The following PDCD2L variants were observed in gnomAD, a reference collection of about 807,000 sequenced individuals.
PDCD2L encodes the protein programmed cell death 2 like.
A neutral mutation model predicts 40.4 loss-of-function variants in PDCD2L; 44 were observed. The observed-to-expected ratio is 1.09, with a 90% CI of 0.86 to 1.40. PDCD2L has a LOEUF of 1.40. Among genes scored for constraint, PDCD2L ranks in the 40% most tolerant of loss-of-function variants. The pLI is 0.00. For synonymous variants in PDCD2L, 194 were observed against 174.6 expected (o/e 1.11, Z -0.88); for missense variants, 470 against 453.7 (o/e 1.04, Z -0.33).
At position 34,426,064 on chromosome 19, in the gene PDCD2L, C is replaced by T. The variant is rs1487212891; in HGVS notation, c.1021C>T (p.Pro341Ser). The stretch of plus-strand genomic sequence containing the variant: ...TTGCTGGCCCCCAAATCATCAGACT[C>T]CCATGGAAGAATTTTGTATTATACA... ...KSCWPPNHQT[P>S]MEEFCIIQED... is the part of the protein sequence containing the mutation. The change falls in exon 7 of 7, where the codon CCC (proline) becomes TCC (serine). Residue 341 changes from proline (P) to serine (S), a missense_variant. By Grantham distance (74) the Pro-to-Ser change is moderately conservative. Coordinates refer to ENST00000246535, the MANE Select transcript of PDCD2L (RefSeq NM_032346.2). 1.2e-6 allele frequency: 2 copies of T among 1,606,638 alleles called. No homozygotes were observed. The highest frequency in any genetic ancestry group is 1.6e-4 in the Middle Eastern group (1 of 6,062).
chr19:34,409,963 A>G (rs988687239), intron 4 of PDCD2L, among the ~76,000 whole-genome samples: 14 of 147,748 alleles, frequency 9.5e-5, no homozygotes, highest in East Asian at 7.7e-4. Flanking sequence ...CAGATCCTCA[A>G]TTCTGTAAAA....
At chr19:34,414,456 G>A (rs2075118120) in intron 5 of PDCD2L, among the ~76,000 whole-genome samples, 1 of 133,752 alleles carries the variant, frequency 7.5e-6, no homozygotes, top group Non-Finnish European at 1.6e-5. Flanking sequence ...AGATACAAGT[G>A]TGAGCCACCA....
At chr19:34,421,829 C>G (rs1011769322) in intron 6 of PDCD2L, among the ~76,000 whole-genome samples, 162 bp downstream of exon 6, 10 of 151,782 alleles carry the variant, frequency 6.6e-5, no homozygotes, top group African/African-American at 2.4e-4. Flanking sequence ...GTGGCTCATG[C>G]CTGTAATCCC....
In PDCD2L at chr19:34,404,473, G is replaced by A. The variant is rs1366094170; in HGVS notation, c.43G>A (p.Ala15Thr). 6.5e-7 allele frequency: 1 copy of A among 1,544,488 alleles called. No homozygotes were observed. Among genetic ancestry groups the A allele is most frequent in the Admixed American group, 2.0e-5 (1 of 50,976 alleles). The change falls in exon 1 of 7, where the codon GCG becomes ACG. Residue 15 changes from alanine (A) to threonine (T), a missense_variant. Physicochemically the swap from Ala to Thr is moderately conservative, Grantham distance 58 (BLOSUM62 0). Transcript: ENST00000246535. The stretch of plus-strand genomic sequence containing the variant: ...GCCGGTGCTGCTGGGCCTTCGAGAT[G>A]CGCCGGTGCACGGCAGCCCCACAGG... ...LKPVLLGLRDAPVHGSPTGPG... is the reference protein window; with the variant it reads ...LKPVLLGLRDTPVHGSPTGPG...
chr19:34,406,057 G>A (rs1426939301), intron 3 of PDCD2L, among the ~76,000 whole-genome samples: 3 of 152,218 alleles, frequency 2.0e-5, no homozygotes, highest in African/African-American at 7.2e-5. Flanking sequence ...TAGGAGGATT[G>A]CTTGAGTCTA....
intron 6 of PDCD2L, among the ~76,000 whole-genome samples, chr19:34,423,491 C>CTTTT (rs547306985): frequency 2.7e-5 from 3 of 113,084 alleles, no homozygotes; most frequent in Non-Finnish European, 3.7e-5. Flanking sequence ...GACCCAGTAT[C>CTTTT]TTTTTTTTTT....
intron 3 of PDCD2L, 68 bp from the exon 4 acceptor site, chr19:34,409,093 C>A: frequency 6.9e-7 from 1 of 1,454,882 alleles, no homozygotes; most frequent in Non-Finnish European, 9.5e-7. Flanking sequence ...CGGTGGGTGG[C>A]TGGAGCCGAA....
intron 5 of PDCD2L, among the ~76,000 whole-genome samples, chr19:34,418,661 A>G (rs2075136144): frequency 6.6e-6 from 1 of 152,236 alleles, no homozygotes; most frequent in Non-Finnish European, 1.5e-5. Flanking sequence ...GTTGTATTAT[A>G]TGGGATATGC....
At position 34,407,602 on chromosome 19, in the gene PDCD2L, CTTT is replaced by C. The variant is rs371237726; in HGVS notation, c.337-1550_337-1548del. Among the ~76,000 whole-genome samples, 3 of 145,132 alleles carry C rather than the reference CTTT, an allele frequency of 2.1e-5. No individual in the cohort carries two copies. The South Asian group carries it at 6.5e-4, about 32-fold the overall frequency. ...ATGTTGTCACAAATGACAGAATTTC[CTTT>C]TTTTTTTTAAGGGTGAAAAATATTC... On this transcript the variant is annotated intron_variant, in intron 3 of 6. Transcript: ENST00000246535.
intron 3 of PDCD2L, among the ~76,000 whole-genome samples, chr19:34,405,738 TAAAAAC>T (rs2075071822): frequency 6.6e-6 from 1 of 151,694 alleles, no homozygotes; most frequent in East Asian, 2.0e-4. Context: ...CCGTCTCTAT[TAAAAAC>T]AAAAACAAAA....
chr19:34,425,056 A>C (rs1317955527), intron 6 of PDCD2L, among the ~76,000 whole-genome samples: 1 of 152,126 alleles, frequency 6.6e-6, no homozygotes, highest in Non-Finnish European at 1.5e-5. Context: ...CAGCCAATGC[A>C]TACATTTTTA....
In PDCD2L at chr19:34,404,415, T is replaced by C. The variant is rs1286443781; in HGVS notation, c.-16T>C. 1 of 1,539,138 alleles carries C rather than the reference T, an allele frequency of 6.5e-7. No individual in the cohort carries two copies. The highest frequency in any genetic ancestry group is 8.7e-7 in the Non-Finnish European group (1 of 1,143,312). On this transcript the variant is annotated 5_prime_UTR_variant, in exon 1 of 7. Coordinates refer to ENST00000246535, the MANE Select transcript of PDCD2L (RefSeq NM_032346.2). ...GGCCGCCGTAGTTTGCGTTTTCACC[T>C]GGTCGCCCGGCGGCCATGGCGGCCG...
intron 5 of PDCD2L, among the ~76,000 whole-genome samples, chr19:34,416,476 C>T (rs554270976): frequency 6.6e-6 from 1 of 152,286 alleles, no homozygotes; most frequent in Admixed American, 6.5e-5. Context: ...CAGCATTTTA[C>T]ACTGTCTCAG....
intron 5 of PDCD2L, among the ~76,000 whole-genome samples, chr19:34,417,639 A>G (rs2075132019): frequency 6.6e-6 from 1 of 152,134 alleles, no homozygotes; most frequent in East Asian, 1.9e-4. Flanking sequence ...GTTAAGGAAC[A>G]TAATAGACTT....
intron 4 of PDCD2L, among the ~76,000 whole-genome samples, chr19:34,411,759 A>G (rs991845234): frequency 1.3e-5 from 2 of 151,160 alleles, no homozygotes; most frequent in Non-Finnish European, 3.0e-5. Context: ...GTTTCAAATG[A>G]TCCTCCTGCC....
At chr19:34,414,702 C>T (rs572582622) in intron 5 of PDCD2L, among the ~76,000 whole-genome samples, 1 of 151,848 alleles carries the variant, frequency 6.6e-6, no homozygotes, top group African/African-American at 2.4e-5. Flanking sequence ...GTTGGCCAGG[C>T]TGGTTCCAAA....
intron 2 of PDCD2L, 23 bp from the exon 3 acceptor site, chr19:34,404,907 G>A (rs1371957835): frequency 4.3e-6 from 7 of 1,613,426 alleles, no homozygotes; most frequent in African/African-American, 1.3e-5. Flanking sequence ...CAGCCCTCAC[G>A]GCCCTTTGTC....
At chr19:34,411,146 A>G (rs1401251204) in intron 4 of PDCD2L, among the ~76,000 whole-genome samples, 2 of 143,560 alleles carry the variant, frequency 1.4e-5, no homozygotes, top group Non-Finnish European at 3.0e-5. Context: ...GGGTTTCTTC[A>G]GACTAGAGTA....
intron 6 of PDCD2L, among the ~76,000 whole-genome samples, chr19:34,423,227 G>A (rs1427391621): frequency 6.6e-6 from 1 of 152,022 alleles, no homozygotes; most frequent in Non-Finnish European, 1.5e-5. Flanking sequence ...GTTTCACCCA[G>A]GTTGGAGTGC....
Sources: gnomAD v4.1 joint callset for allele counts (sites outside exome capture counted in the v4.1 genomes callset) on GRCh38, gnomAD v4.1.1 for gene constraint, MANE v1.5 for transcripts, NCBI Gene and HGNC (gene_info 2026-07-23, HGNC 2026-07-21) for gene names.